The following ROBO2 variants were observed in gnomAD, a reference collection of about 807,000 sequenced individuals.
The protein encoded by ROBO2 is roundabout guidance receptor 2, also known as roundabout homolog 2.
A neutral mutation model predicts 160.8 loss-of-function variants in ROBO2; 53 were observed. The observed-to-expected ratio is 0.33, with a 90% CI of 0.26 to 0.41. ROBO2 has a LOEUF of 0.41. Ranked by LOEUF, ROBO2 falls within the 10% of genes least tolerant of loss-of-function variation. The pLI is 1.00. For synonymous variants in ROBO2, 664 were observed against 611.7 expected (o/e 1.09, Z -1.26); for missense variants, 1,577 against 1,722.4 (o/e 0.92, Z 1.49).
intron 2 of ROBO2, among the ~76,000 whole-genome samples, chr3:76,060,798 G>C (rs1306753138): frequency 6.6e-6 from 1 of 150,986 alleles, no homozygotes; most frequent in Non-Finnish European, 1.5e-5. Context: ...TCTTGTCTGT[G>C]ACTCTTAACT....
chr3:77,412,212 C>A (rs1043290401), intron 2 of ROBO2, among the ~76,000 whole-genome samples: 1 of 152,144 alleles, frequency 6.6e-6, no homozygotes. Context: ...TTCTTTAATC[C>A]ACATCCCTGA....
rs139604719 is a variant in ROBO2 at position 76,038,980 on chromosome 3, G to C, written c.109+101378G>C. On this transcript the variant is annotated intron_variant, in intron 2 of 26. Transcript: ENST00000487694. ...AATTGGACTGTGTAGAGGAATAAGA[G>C]AGGGAGACTTAGGATTGGTAATGTT... Among the ~76,000 whole-genome samples, 16 of 152,098 alleles carry C rather than the reference G, an allele frequency of 1.1e-4. 1 individual carries two copies. Among genetic ancestry groups the C allele is most frequent in the African/African-American group, 3.6e-4 (15 of 41,378 alleles).
In ROBO2 at chr3:77,493,152, T is replaced by G. The variant is rs570917787; in HGVS notation, c.668-92T>G. The G allele has an allele frequency of 6.5e-6, 9 of 1,376,588 alleles. No homozygotes were observed. The South Asian group carries it at 7.0e-5, about 11-fold the overall frequency. The allele number at this position is 1,376,588 out of a possible 1,614,324, so 85.3% of individuals were successfully genotyped here. ...GAGTTAGGTACCTGTGTACCAAAAG[T>G]AAATTAGGTTTCCTTTGCTTTTTTC... On this transcript the variant is annotated intron_variant, in intron 4 of 25. Coordinates refer to ENST00000461745, the Ensembl canonical transcript of ROBO2.
intron 2 of ROBO2, among the ~76,000 whole-genome samples, chr3:76,393,631 A>C (rs1011913366): frequency 6.6e-6 from 1 of 152,176 alleles, no homozygotes; most frequent in Non-Finnish European, 1.5e-5. Context: ...TGAGGAAGGA[A>C]GGGACACAAT....
chr3:76,525,013 A>G (rs2107958098), intron 2 of ROBO2, among the ~76,000 whole-genome samples: 1 of 151,890 alleles, frequency 6.6e-6, no homozygotes, highest in East Asian at 1.9e-4. Flanking sequence ...GAAGACAAAG[A>G]AAGAAACATA....
chr3:77,027,352 C>T lies in ROBO2; in HGVS notation c.110-70662C>T, dbSNP rs868544269. Reference sequence around the variant, plus strand: ...AGGCCTCTATTCTAAAGCTAAGGGCCCAAACACTCATTCAAGTGACATCTG... The same window carrying T: ...AGGCCTCTATTCTAAAGCTAAGGGCTCAAACACTCATTCAAGTGACATCTG... On this transcript the variant is annotated intron_variant, in intron 2 of 26. Transcript: ENST00000487694. Among the ~76,000 whole-genome samples the T allele has an allele frequency of 5.3e-5, 8 of 152,128 alleles. No homozygotes were observed. In the East Asian group the frequency reaches 1.5e-3, roughly 29 times the overall value.
At chr3:76,434,433 T>C in intron 2 of ROBO2, 4 of 1,561,170 alleles carry the variant, frequency 2.6e-6, no homozygotes, top group Non-Finnish European at 3.5e-6. Flanking sequence ...TGGGTGGCTA[T>C]GGCCCCCAAG....
intron 2 of ROBO2, among the ~76,000 whole-genome samples, chr3:77,179,968 G>GT (rs1218777557): frequency 1.3e-5 from 2 of 152,084 alleles, no homozygotes; most frequent in Admixed American, 6.6e-5. Flanking sequence ...GGAATGACAG[G>GT]TATTGACTGA....
At chr3:76,972,862 CACATAAAT>C (rs1321949523) in intron 2 of ROBO2, among the ~76,000 whole-genome samples, 5 of 152,014 alleles carry the variant, frequency 3.3e-5, no homozygotes, top group African/African-American at 1.2e-4. Flanking sequence ...AATACATACA[CACATAAAT>C]ACATAAATAC....
chr3:77,594,190 T>G (rs2094246075), intron 17 of ROBO2, among the ~76,000 whole-genome samples: 1 of 152,176 alleles, frequency 6.6e-6, no homozygotes, highest in South Asian at 2.1e-4. Context: ...ATATTCACAT[T>G]CCACTGCAGA....
chr3:76,141,155 CTCTCTA>C (rs1326883098), intron 2 of ROBO2, among the ~76,000 whole-genome samples: 324 of 24,916 alleles, frequency 0.013, 1 homozygote, highest in East Asian at 0.02. Flanking sequence ...CTCTCTCTCT[CTCTCTA>C]TATATATATA....
At chr3:77,190,529 G>A (rs934136046) in intron 2 of ROBO2, among the ~76,000 whole-genome samples, 2 of 151,890 alleles carry the variant, frequency 1.3e-5, no homozygotes, top group African/African-American at 4.8e-5. Flanking sequence ...AACCTGTATA[G>A]TGTAACTTTT....
At chr3:77,433,498 A>ATC (rs1437615668) in intron 2 of ROBO2, among the ~76,000 whole-genome samples, 1 of 109,712 alleles carries the variant, frequency 9.1e-6, no homozygotes, top group Non-Finnish European at 1.9e-5. Flanking sequence ...ATATATATAT[A>ATC]TATATATATA....
At chr3:76,888,409 T>A (rs186946834) in intron 2 of ROBO2, among the ~76,000 whole-genome samples, 1 of 151,528 alleles carries the variant, frequency 6.6e-6, no homozygotes, top group African/African-American at 2.4e-5. Context: ...TAAGTGTTGA[T>A]GGTGAACATC....
chr3:76,886,944 G>A (rs1436833843), intron 2 of ROBO2, among the ~76,000 whole-genome samples: 1 of 152,202 alleles, frequency 6.6e-6, no homozygotes, highest in Admixed American at 6.5e-5. Context: ...GTGGCTAGTA[G>A]CCACTACCTT....
At chr3:76,888,511 T>C (rs2074091284) in intron 2 of ROBO2, among the ~76,000 whole-genome samples, 1 of 152,176 alleles carries the variant, frequency 6.6e-6, no homozygotes, top group African/African-American at 2.4e-5. Context: ...GTAATAGGCA[T>C]GAAAATCAAA....
chr3:76,662,985 A>G (rs2091889528), intron 2 of ROBO2, among the ~76,000 whole-genome samples: 1 of 152,186 alleles, frequency 6.6e-6, no homozygotes, highest in Non-Finnish European at 1.5e-5. Context: ...GATTTTATAT[A>G]TAGCATCCTA....
At chr3:76,745,253 T>C (rs1481274964) in intron 2 of ROBO2, among the ~76,000 whole-genome samples, 1 of 152,150 alleles carries the variant, frequency 6.6e-6, no homozygotes, top group Admixed American at 6.6e-5. Context: ...AAGTATAAAA[T>C]AGTTACTGAA....
chr3:77,377,443 T>G (rs1413454589), intron 2 of ROBO2, among the ~76,000 whole-genome samples: 5 of 152,206 alleles, frequency 3.3e-5, no homozygotes, highest in African/African-American at 1.2e-4. Flanking sequence ...TCCTTGAAAT[T>G]TTTATATAAC....
Sources: gnomAD v4.1 joint callset for allele counts (sites outside exome capture counted in the v4.1 genomes callset) on GRCh38, gnomAD v4.1.1 for gene constraint, MANE v1.5 for transcripts, NCBI Gene and HGNC (gene_info 2026-07-23, HGNC 2026-07-21) for gene names.